Variants in LTBP1 observed in about 807,000 individuals in gnomAD.
LTBP1 encodes latent-transforming growth factor beta-binding protein 1.
LTBP1 carries 129 observed loss-of-function variants against 207.6 expected under a neutral mutation model. The observed-to-expected ratio is 0.62, with a 90% CI of 0.54 to 0.72. LTBP1 has a LOEUF of 0.72. Among genes scored for constraint, LTBP1 ranks in the 30% least tolerant of loss-of-function variants. LTBP1 has a pLI of 0.00. For missense variants in LTBP1, 2,281 were observed against 2,217.2 expected, an observed-to-expected ratio of 1.03 and a Z score of -0.58; for synonymous variants, 963 against 833.7, an observed-to-expected ratio of 1.16 and a Z score of -2.67.
At chr2:33,042,063 T>C (rs973373749) in intron 3 of LTBP1, among the ~76,000 whole-genome samples, 3 of 152,228 alleles carry the variant, frequency 2.0e-5, no homozygotes, top group African/African-American at 4.8e-5. Flanking sequence ...TCGTAGCTCA[T>C]TGGGCTTTTA....
chr2:33,393,748 G>A (rs551271787), intron 32 of LTBP1, among the ~76,000 whole-genome samples: 1 of 152,230 alleles, frequency 6.6e-6, no homozygotes, highest in African/African-American at 2.4e-5. Flanking sequence ...GCCACAGTAA[G>A]CATACATGTG....
intron 3 of LTBP1, among the ~76,000 whole-genome samples, chr2:33,085,284 A>C (rs1572561943): frequency 6.6e-6 from 1 of 152,252 alleles, no homozygotes; most frequent in East Asian, 1.9e-4. Flanking sequence ...TAAGCCACCT[A>C]GTTTATGGCA....
chr2:32,953,716 G>A lies in LTBP1; in HGVS notation c.565+4771G>A, dbSNP rs186362355. Among the ~76,000 whole-genome samples, 466 of 152,198 alleles carry A rather than the reference G, an allele frequency of 3.1e-3. 5 individuals carry two copies. The highest frequency in any genetic ancestry group is 0.024 in the Admixed American group (373 of 15,288). ...AGTTTTTGCTGCCCAGTGAACCCTG[G>A]GCCCTTAGGAAGCCTGACTTGTTGA... On this transcript the variant is annotated intron_variant, in intron 2 of 33. Coordinates refer to ENST00000404816, the MANE Select transcript of LTBP1 (RefSeq NM_206943.4).
intron 32 of LTBP1, among the ~76,000 whole-genome samples, chr2:33,391,600 G>A (rs965070749): frequency 5.3e-5 from 8 of 152,248 alleles, no homozygotes; most frequent in African/African-American, 1.9e-4. Context: ...TTAGATGTAA[G>A]CAAGAGCCTG....
chr2:32,981,640 C>G (rs191250932), intron 2 of LTBP1, among the ~76,000 whole-genome samples: 45 of 152,146 alleles, frequency 3.0e-4, no homozygotes, highest in African/African-American at 1.1e-3. Flanking sequence ...TGGCCATGTC[C>G]CCACCCAAAT....
Position 33,110,596 on chromosome 2 carries a change from C to T in LTBP1, c.878C>T (p.Ser293Phe). 6.2e-7 allele frequency: 1 copy of T among 1,613,154 alleles called. No homozygotes were observed. The highest frequency in any genetic ancestry group is 8.5e-7 in the Non-Finnish European group (1 of 1,179,518). Residue 293 changes from serine (S) to phenylalanine (F), a missense_variant, in exon 4 of 34, where the codon TCT (serine) becomes TTT (phenylalanine). This residue lies in a region of LTBP1 where 555 missense variants were observed against 491.0 expected (regional missense o/e 1.13). Coordinates refer to ENST00000404816, the MANE Select transcript of LTBP1 (RefSeq NM_206943.4). Reference protein sequence around the residue: ...QQIHSQVTPLSSQSVVIHHGQ... With the variant: ...QQIHSQVTPLFSQSVVIHHGQ... ...TTTCTTCCCAGAGTGACTCCTCTTT[C>T]TTCCCAGAGTGTGGTGATTCACCAT...
rs148613262 is a variant in LTBP1 at position 33,033,476 on chromosome 2, A to C, written c.863+12270A>C. 4.4e-3 allele frequency among the ~76,000 whole-genome samples: 671 copies of C among 152,302 alleles called. 8 individuals carry two copies. Among genetic ancestry groups the C allele is most frequent in the African/African-American group, 0.015 (623 of 41,562 alleles). ...AACCTTACAAGTACAAACCACTTCT[A>C]GGTGTTCTCAGGTGTGAACAATCAG... On this transcript the variant is annotated intron_variant, in intron 3 of 33. Coordinates refer to ENST00000404816, the MANE Select transcript of LTBP1 (RefSeq NM_206943.4).
Position 33,301,655 on chromosome 2 carries a change from C to A in LTBP1, c.3481+11C>A. 6.4e-7 allele frequency: 1 copy of A among 1,569,862 alleles called. No individual in the cohort carries two copies. The highest frequency in any genetic ancestry group is 1.4e-5 in the African/African-American group (1 of 73,140). The stretch of plus-strand genomic sequence containing the variant: ...GAGACCACTGTGAAGGTAAGAATTG[C>A]TCCTGATTTCAGAATCATAAAATGC... On this transcript the variant is annotated intron_variant, in intron 22 of 33. Coordinates refer to ENST00000404816, the MANE Select transcript of LTBP1 (RefSeq NM_206943.4).
At chr2:33,361,573 T>A in intron 28 of LTBP1, 58 bp downstream of exon 28, 1 of 1,224,778 alleles carries the variant, frequency 8.2e-7, no homozygotes, top group Non-Finnish European at 1.2e-6. Flanking sequence ...GATATTCAAG[T>A]GAAAACATGG....
chr2:33,288,284 T>C (rs372670307), intron 19 of LTBP1, among the ~76,000 whole-genome samples: 18 of 152,270 alleles, frequency 1.2e-4, no homozygotes, highest in Middle Eastern at 3.4e-3. Context: ...GGGGAGAACA[T>C]GACTGGGTGA....
intron 3 of LTBP1, among the ~76,000 whole-genome samples, chr2:33,109,632 T>G (rs11904654): frequency 0.2 from 30,676 of 152,122 alleles, 3,678 homozygotes; most frequent in East Asian, 0.45. Flanking sequence ...AAGTCTTGAC[T>G]CGTGCTATTA....
At chr2:33,188,523 G>T in intron 6 of LTBP1, 54 bp from the exon 7 acceptor site, 14 of 1,373,468 alleles carry the variant, frequency 1.0e-5, no homozygotes, top group South Asian at 4.1e-5. Context: ...TAAAACTTTT[G>T]ATTTGCCTGT....
intron 5 of LTBP1, among the ~76,000 whole-genome samples, chr2:33,143,575 C>A (rs1383097202): frequency 6.6e-6 from 1 of 152,176 alleles, no homozygotes; most frequent in Non-Finnish European, 1.5e-5. Context: ...ACCCTGGTAG[C>A]AATTTACATG....
chr2:33,372,405 T>C lies in LTBP1; in HGVS notation c.4711+6902T>C, dbSNP rs140131669. ...ACAATGAGCATAATAAGAGGCAATG[T>C]GTCATCAAATCTGTAGCCACAGACA... On this transcript the variant is annotated intron_variant, in intron 31 of 33. Transcript: ENST00000404816. Among the ~76,000 whole-genome samples, 1,181 of 152,332 alleles carry C rather than the reference T, an allele frequency of 7.8e-3. 7 individuals are homozygous for C. Among genetic ancestry groups the C allele is most frequent in the Non-Finnish European group, 0.012 (832 of 68,034 alleles).
chr2:33,394,720 G>T (rs944592713), intron 32 of LTBP1, among the ~76,000 whole-genome samples: 6 of 152,346 alleles, frequency 3.9e-5, no homozygotes, highest in African/African-American at 1.4e-4. Flanking sequence ...TTGTAGTATA[G>T]TTTGAAGTCA....
Position 33,134,661 on chromosome 2 carries a change from T to G in LTBP1, c.1034-132T>G, listed in dbSNP as rs1572790887. The G allele has an allele frequency of 9.5e-6, 15 of 1,572,512 alleles. No homozygotes were observed. The highest frequency in any genetic ancestry group is 1.3e-5 in the Non-Finnish European group (15 of 1,161,062). ...TCCCTCTTTCCTTAAACCTGTCGGG[T>G]TGTGGGCTCTCTCTTTTCCCCTCTT... On this transcript the variant is annotated intron_variant, in intron 4 of 33. Transcript: ENST00000404816. The surrounding 1 kb of genome is among the most constrained non-coding windows in gnomAD (Gnocchi z 4.4).
chr2:32,999,101 A>C (rs902843440), intron 2 of LTBP1, among the ~76,000 whole-genome samples: 2 of 152,162 alleles, frequency 1.3e-5, no homozygotes, highest in African/African-American at 4.8e-5. Context: ...GTTGCTTCCT[A>C]AAGTTTGAGA....
At chr2:33,332,336 C>T (rs1454734380) in intron 24 of LTBP1, among the ~76,000 whole-genome samples, 1 of 122,756 alleles carries the variant, frequency 8.1e-6, no homozygotes. Flanking sequence ...AGTTTGAGGC[C>T]AGGCCAGCCT....
At chr2:33,035,677 A>T (rs1216348335) in intron 3 of LTBP1, among the ~76,000 whole-genome samples, 1 of 152,238 alleles carries the variant, frequency 6.6e-6, no homozygotes, top group East Asian at 1.9e-4. Context: ...CTTGCTGTGT[A>T]CTCAATTTTT....
Sources: gnomAD v4.1 joint callset for allele counts (sites outside exome capture counted in the v4.1 genomes callset) on GRCh38, gnomAD v4.1.1 for gene constraint, gnomAD v4.1.1 regional missense constraint, Gnocchi (gnomAD v3.1) non-coding constraint, MANE v1.5 for transcripts, NCBI Gene and HGNC (gene_info 2026-07-23, HGNC 2026-07-21) for gene names.